The following PRKCE variants were observed in gnomAD, a reference collection of about 807,000 sequenced individuals.
The protein encoded by PRKCE is protein kinase C epsilon, also known as protein kinase C epsilon type.
In PRKCE, 16 loss-of-function variants were observed where a neutral mutation model predicts 85.4. The ratio of observed to expected loss-of-function variants is 0.19; its 90% CI spans 0.13 to 0.28. The LOEUF is 0.28. PRKCE is among the 10% of genes least tolerant of loss of function. The pLI, the probability that PRKCE is intolerant of heterozygous loss-of-function variation, is 1.00. For synonymous variants in PRKCE, 388 were observed against 371.5 expected, an observed-to-expected ratio of 1.04 and a Z score of -0.51; for missense variants, 573 against 975.2, an observed-to-expected ratio of 0.59 and a Z score of 5.49.
intron 2 of PRKCE, among the ~76,000 whole-genome samples, chr2:45,886,964 A>G (rs2105850124): frequency 6.6e-6 from 1 of 152,310 alleles, no homozygotes; most frequent in Non-Finnish European, 1.5e-5. Flanking sequence ...GAGGTGGACG[A>G]TGTCACTAGC....
At chr2:45,787,940 C>T (rs534367437) in intron 1 of PRKCE, among the ~76,000 whole-genome samples, 1 of 152,300 alleles carries the variant, frequency 6.6e-6, no homozygotes, top group African/African-American at 2.4e-5. Context: ...TCACTGCTCT[C>T]CCTTTGTCTT....
chr2:45,735,548 G>A (rs1433547788), intron 1 of PRKCE, among the ~76,000 whole-genome samples: 1 of 152,238 alleles, frequency 6.6e-6, no homozygotes, highest in African/African-American at 2.4e-5. Flanking sequence ...TCATAGCATT[G>A]TTTTGCAGAT....
chr2:45,792,651 T>A (rs1262404820), intron 1 of PRKCE, among the ~76,000 whole-genome samples: 1 of 152,182 alleles, frequency 6.6e-6, no homozygotes, highest in East Asian at 1.9e-4. Flanking sequence ...CTACGTAGCC[T>A]CTCTGTGCCT....
chr2:45,871,584 G>T (rs567744154), intron 2 of PRKCE, among the ~76,000 whole-genome samples: 1 of 152,376 alleles, frequency 6.6e-6, no homozygotes, highest in South Asian at 2.1e-4. Context: ...AGATGATTTA[G>T]AGGTATCTCT....
chr2:45,851,059 C>G (rs1692214461), intron 2 of PRKCE, among the ~76,000 whole-genome samples: 1 of 152,164 alleles, frequency 6.6e-6, no homozygotes, highest in African/African-American at 2.4e-5. Context: ...CAAGGAGCCT[C>G]CCTTCTGTTT....
intron 1 of PRKCE, among the ~76,000 whole-genome samples, chr2:45,722,090 ATTAC>A (rs938032900): frequency 6.6e-6 from 1 of 152,110 alleles, no homozygotes; most frequent in Non-Finnish European, 1.5e-5. Context: ...ACATTTTTAA[ATTAC>A]TTAATTAAAA....
intron 1 of PRKCE, among the ~76,000 whole-genome samples, chr2:45,770,384 A>T (rs1685219508): frequency 6.6e-6 from 1 of 152,152 alleles, no homozygotes; most frequent in Admixed American, 6.5e-5. Flanking sequence ...AAAAGTGTGC[A>T]TATTGCCTAA....
intron 2 of PRKCE, among the ~76,000 whole-genome samples, chr2:45,915,521 G>T (rs979414222): frequency 6.6e-6 from 1 of 152,144 alleles, no homozygotes; most frequent in Admixed American, 6.5e-5. Context: ...AGAGATTTAG[G>T]TTATTTTGGG....
At chr2:45,726,676 C>G (rs1573084203) in intron 1 of PRKCE, among the ~76,000 whole-genome samples, 1 of 152,312 alleles carries the variant, frequency 6.6e-6, no homozygotes, top group Non-Finnish European at 1.5e-5. Flanking sequence ...TTCAATATCT[C>G]TGATGTATAC....
At chr2:45,703,958 C>A (rs76648852) in intron 1 of PRKCE, among the ~76,000 whole-genome samples, 298 of 152,220 alleles carry the variant, frequency 2.0e-3, no homozygotes, top group South Asian at 8.7e-3. Flanking sequence ...TAGAGTAATG[C>A]AGATTTAAAT....
chr2:45,780,027 C>T (rs1686058551), intron 1 of PRKCE, among the ~76,000 whole-genome samples: 1 of 151,192 alleles, frequency 6.6e-6, no homozygotes, highest in Admixed American at 6.6e-5. Flanking sequence ...CTCCAGACAT[C>T]ATACATTGCA....
intron 2 of PRKCE, among the ~76,000 whole-genome samples, chr2:45,869,365 G>A (rs1270616248): frequency 1.3e-5 from 2 of 152,216 alleles, no homozygotes; most frequent in Non-Finnish European, 2.9e-5. Flanking sequence ...TCCATTCTCT[G>A]TCCTGGTTAA....
chr2:46,179,109 G>C (rs981779075), intron 14 of PRKCE, among the ~76,000 whole-genome samples: 7 of 152,126 alleles, frequency 4.6e-5, no homozygotes, highest in African/African-American at 1.7e-4. Context: ...AAGGGGGAAG[G>C]CAGGGACCAA....
chr2:45,888,949 G>A (rs564043726), intron 2 of PRKCE, among the ~76,000 whole-genome samples: 125 of 152,180 alleles, frequency 8.2e-4, no homozygotes, highest in Non-Finnish European at 1.5e-3. Context: ...AAACCAGCCC[G>A]TGTGGGGTTC....
At chr2:46,003,225 C>A (rs1704855024) in intron 7 of PRKCE, among the ~76,000 whole-genome samples, 1 of 152,194 alleles carries the variant, frequency 6.6e-6, no homozygotes. Flanking sequence ...ATCAGACTTT[C>A]TGGTGTTTTG....
intron 7 of PRKCE, among the ~76,000 whole-genome samples, chr2:46,002,581 C>G (rs866303824): frequency 9.2e-5 from 14 of 152,232 alleles, no homozygotes; most frequent in Non-Finnish European, 8.8e-5. Flanking sequence ...CCTGTTTTCT[C>G]AATAAGCAAA....
chr2:46,150,746 A>G (rs899800594), intron 12 of PRKCE, among the ~76,000 whole-genome samples: 2 of 152,164 alleles, frequency 1.3e-5, no homozygotes, highest in African/African-American at 4.8e-5. Context: ...AGTTTTTTAA[A>G]ATGTGGCCCT....
chr2:45,750,383 T>C (rs773942829), intron 1 of PRKCE, among the ~76,000 whole-genome samples: 15 of 152,246 alleles, frequency 9.9e-5, no homozygotes, highest in South Asian at 2.1e-4. Flanking sequence ...ATACAAGATG[T>C]GGCCTTGTGT....
chr2:45,798,793 G>T (rs1259612369), intron 1 of PRKCE, among the ~76,000 whole-genome samples: 16 of 150,310 alleles, frequency 1.1e-4, no homozygotes, highest in African/African-American at 3.7e-4. Context: ...TGTTTTCAGT[G>T]TTTTTAAAAT....
Sources: gnomAD v4.1 joint callset for allele counts (sites outside exome capture counted in the v4.1 genomes callset) on GRCh38, gnomAD v4.1.1 for gene constraint, MANE v1.5 for transcripts, NCBI Gene and HGNC (gene_info 2026-07-23, HGNC 2026-07-21) for gene names.